SAMD5: variants seen among roughly 807,000 people sequenced by gnomAD.
SAMD5 encodes the protein sterile alpha motif domain-containing protein 5.
In SAMD5, 13 loss-of-function variants were observed where a neutral mutation model predicts 11.3. That is an observed-to-expected ratio of 1.15 (90% CI 0.75 to 1.83). The LOEUF is 1.83. Among genes scored for constraint, SAMD5 ranks in the 40% most tolerant of loss-of-function variants. The probability of loss-of-function intolerance (pLI) is 0.00; values close to 1 mark genes in which losing one functional copy is unlikely to be tolerated. For synonymous variants in SAMD5, 129 were observed against 111.3 expected (o/e 1.16, Z -1.00); for missense variants, 255 against 239.1 (o/e 1.07, Z -0.44).
chr6:147,626,071 C>G lies in SAMD5; in HGVS notation c.163-111246C>G, dbSNP rs145510670. ...GAGTTGAGGGAGGGTATAGGAAAAGCTTTTGCTTTCTATTGTATTTATTTG... is the reference window on the plus strand; with the variant it reads ...GAGTTGAGGGAGGGTATAGGAAAAGGTTTTGCTTTCTATTGTATTTATTTG... On this transcript the variant is annotated intron_variant, in intron 1 of 1. Coordinates refer to the SAMD5 transcript ENST00000566741. 7.9e-5 allele frequency among the ~76,000 whole-genome samples: 12 copies of G among 152,152 alleles called. No homozygotes were observed. The East Asian group carries it at 2.3e-3, about 29-fold the overall frequency.
At chr6:147,626,064 G>T (rs1217402108) in intron 1 of SAMD5, among the ~76,000 whole-genome samples, 1 of 152,070 alleles carries the variant, frequency 6.6e-6, no homozygotes, top group East Asian at 1.9e-4. Flanking sequence ...GGAGGGTATA[G>T]GAAAAGCTTT....
At chr6:147,572,727 G>A (rs1007285405), downstream of SAMD5, among the ~76,000 whole-genome samples, 2 of 152,168 alleles carry the variant, frequency 1.3e-5, no homozygotes, top group Admixed American at 1.3e-4. Flanking sequence ...TCAAACTATA[G>A]TTAATGTACT....
the SAMD5 span, among the ~76,000 whole-genome samples, chr6:147,819,347 A>G: frequency 0.014 from 2,081 of 152,256 alleles, 41 homozygotes; most frequent in East Asian, 0.064. Flanking sequence ...ATAGGAGGAG[A>G]GAGAGGAGCA....
the SAMD5 span, among the ~76,000 whole-genome samples, chr6:147,916,016 C>G: frequency 6.6e-6 from 1 of 150,468 alleles, no homozygotes; most frequent in East Asian, 2.0e-4. Context: ...GTTTTTTTGT[C>G]CTTCTGAGAG....
chr6:147,578,107 A>G (rs1455793380), intron 1 of SAMD5, among the ~76,000 whole-genome samples: 1 of 152,220 alleles, frequency 6.6e-6, no homozygotes, highest in Non-Finnish European at 1.5e-5. Flanking sequence ...TATATAGTAG[A>G]GAGAATCAAG....
chr6:147,789,209 G>A, the SAMD5 span, among the ~76,000 whole-genome samples: 1 of 151,794 alleles, frequency 6.6e-6, no homozygotes, highest in Non-Finnish European at 1.5e-5. Context: ...CAAACTTACT[G>A]TGAGCAAGGA....
intron 1 of SAMD5, among the ~76,000 whole-genome samples, chr6:147,613,138 A>ATATTAGACACTAGCCCTG (rs1789810335): frequency 6.6e-6 from 1 of 152,076 alleles, no homozygotes; most frequent in African/African-American, 2.4e-5. Context: ...GTGACAGAGC[A>ATATTAGACACTAGCCCTG]AGACTCCATC....
At chr6:147,916,603 T>C in the SAMD5 span, among the ~76,000 whole-genome samples, 16 of 152,088 alleles carry the variant, frequency 1.1e-4, no homozygotes, top group Non-Finnish European at 5.9e-5. Flanking sequence ...ATGTGTACAA[T>C]GTGCAGGTTA....
chr6:147,949,158 G>A, the SAMD5 span, among the ~76,000 whole-genome samples: 105 of 152,284 alleles, frequency 6.9e-4, 3 homozygotes, highest in South Asian at 0.012. Context: ...AAGTTAGCCC[G>A]TGCTGAGAGT....
At chr6:147,515,916 G>T (rs536044526) in intron 1 of SAMD5, among the ~76,000 whole-genome samples, 1 of 152,190 alleles carries the variant, frequency 6.6e-6, no homozygotes, top group South Asian at 2.1e-4. Flanking sequence ...TTCCTCAAGG[G>T]TTAATGAAGA....
At chr6:147,717,108 C>A (rs1038631965) in intron 1 of SAMD5, among the ~76,000 whole-genome samples, 1 of 152,218 alleles carries the variant, frequency 6.6e-6, no homozygotes, top group African/African-American at 2.4e-5. Context: ...TTTGCATGAT[C>A]CACCTTGCTA....
the SAMD5 span, among the ~76,000 whole-genome samples, chr6:147,819,923 C>T: frequency 6.6e-6 from 1 of 152,190 alleles, no homozygotes; most frequent in African/African-American, 2.4e-5. Flanking sequence ...CAACACCACG[C>T]ATCTTGGCAC....
intron 1 of SAMD5, among the ~76,000 whole-genome samples, chr6:147,544,871 C>G (rs1336669451): frequency 1.3e-5 from 2 of 152,164 alleles, no homozygotes; most frequent in Non-Finnish European, 2.9e-5. Flanking sequence ...ACAAAATGAA[C>G]ACTTTCAAAG....
the SAMD5 span, among the ~76,000 whole-genome samples, chr6:147,744,620 G>A: frequency 6.8e-3 from 1,040 of 152,282 alleles, 12 homozygotes; most frequent in African/African-American, 0.024. Context: ...AACCCAGGCT[G>A]GGCGCGGTGG....
At chr6:147,877,425 C>A in the SAMD5 span, among the ~76,000 whole-genome samples, 1 of 152,048 alleles carries the variant, frequency 6.6e-6, no homozygotes, top group Non-Finnish European at 1.5e-5. Context: ...AATTAGTAGG[C>A]AAGCAAGCAT....
the SAMD5 span, among the ~76,000 whole-genome samples, chr6:147,886,307 CA>C: frequency 2.0e-5 from 3 of 152,078 alleles, no homozygotes; most frequent in Non-Finnish European, 4.4e-5. Context: ...AACGCAAACC[CA>C]AAACAAAACA....
downstream of SAMD5, among the ~76,000 whole-genome samples, chr6:147,738,083 C>T (rs1472291658): frequency 6.6e-6 from 1 of 152,108 alleles, no homozygotes; most frequent in African/African-American, 2.4e-5. Flanking sequence ...AGGAAGGCAA[C>T]TTTATTGATC....
chr6:147,740,363 T>A (rs935466501), downstream of SAMD5, among the ~76,000 whole-genome samples: 34 of 152,220 alleles, frequency 2.2e-4, no homozygotes, highest in Admixed American at 4.6e-4. Flanking sequence ...TAAAAGTGCC[T>A]TTCTGAAGAT....
chr6:147,518,563 G>C (rs1430766426), intron 1 of SAMD5, among the ~76,000 whole-genome samples: 1 of 152,162 alleles, frequency 6.6e-6, no homozygotes, highest in Non-Finnish European at 1.5e-5. Context: ...ACGTGGACTT[G>C]ATGAGGGCTG....
Sources: gnomAD v4.1 joint callset for allele counts (sites outside exome capture counted in the v4.1 genomes callset) on GRCh38, gnomAD v4.1.1 for gene constraint, MANE v1.5 for transcripts, NCBI Gene and HGNC (gene_info 2026-07-23, HGNC 2026-07-21) for gene names.